PPP6R2: variants seen among roughly 807,000 people sequenced by gnomAD.
PPP6R2 encodes serine/threonine-protein phosphatase 6 regulatory subunit 2.
Under a neutral mutation model 100.2 loss-of-function variants are expected in PPP6R2, and 62 were observed. That is an observed-to-expected ratio of 0.62 (90% CI 0.50 to 0.76). The LOEUF (loss-of-function observed/expected upper bound fraction) is 0.76, where lower values mean the gene tolerates loss of function less well. Among genes scored for constraint, PPP6R2 ranks in the 30% least tolerant of loss-of-function variants. The pLI, the probability that PPP6R2 is intolerant of heterozygous loss-of-function variation, is 0.00. For missense variants in PPP6R2, 1,142 were observed against 1,276.3 expected (o/e 0.89, Z 1.60); for synonymous variants, 525 against 514.7 (o/e 1.02, Z -0.27).
chr22:50,391,027 G>A (rs1020568282), intron 2 of PPP6R2, among the ~76,000 whole-genome samples: 1 of 151,200 alleles, frequency 6.6e-6, no homozygotes, highest in African/African-American at 2.4e-5. Context: ...AGAAATTCAG[G>A]CCGGATGCAG....
chr22:50,336,279 C>A, the PPP6R2 span, among the ~76,000 whole-genome samples: 2 of 152,320 alleles, frequency 1.3e-5, no homozygotes, highest in Admixed American at 1.3e-4. Context: ...TGAGTCACCG[C>A]GTCCAGCCTG....
chr22:50,439,787 T>G lies in PPP6R2; in HGVS notation c.2215T>G (p.Trp739Gly). The G allele has an allele frequency of 1.9e-6, 3 of 1,613,848 alleles. No homozygotes were observed. Among genetic ancestry groups the G allele is most frequent in the Non-Finnish European group, 1.7e-6 (2 of 1,179,952 alleles). The change falls in exon 20 of 24, where the codon TGG becomes GGG. Residue 739 changes from tryptophan to glycine, a missense_variant. By Grantham distance (184) the Trp-to-Gly change is radical. Transcript: ENST00000612753. The part of the protein sequence containing the change: ...GVVRDVGSSV[W>G]AAGTSAPEEK... Reference sequence around the variant, plus strand: ...GGTGAGGGACGTGGGTTCCAGTGTGTGGGCAGCTGGCACCTCAGCTCCAGA... The same window carrying G: ...GGTGAGGGACGTGGGTTCCAGTGTGGGGGCAGCTGGCACCTCAGCTCCAGA...
intron 4 of PPP6R2, among the ~76,000 whole-genome samples, chr22:50,409,180 G>T (rs2059394771): frequency 6.6e-6 from 1 of 152,178 alleles, no homozygotes; most frequent in Non-Finnish European, 1.5e-5. Flanking sequence ...TTCCTCCTGT[G>T]TTTCCTGAAA....
intron 1 of PPP6R2, among the ~76,000 whole-genome samples, chr22:50,353,830 T>C (rs2045857066): frequency 6.6e-6 from 1 of 151,936 alleles, no homozygotes; most frequent in African/African-American, 2.4e-5. Flanking sequence ...TTTTTTTTTT[T>C]TTGTTAAGGG....
rs753070844 is a variant in PPP6R2, at chr22:50,443,948, C to A, written c.2662C>A (p.Pro888Thr). Residue 888 changes from proline (P) to threonine (T), a missense_variant, in exon 23 of 24, where the codon CCC (proline) becomes ACC (threonine). Physicochemically the swap from Pro to Thr is conservative, Grantham distance 38. Transcript: ENST00000612753. ...GACTGCTGCCCCAGCCGTGGCTGTG[C>A]CCCCCGAGGCTACTGTGGCCATCAC... Reference protein sequence around the residue: ...EVTAAPAVAVPPEATVAITTA... With the variant: ...EVTAAPAVAVTPEATVAITTA... 2 of 1,609,644 alleles carry A rather than the reference C, an allele frequency of 1.2e-6. No individual in the cohort carries two copies. The highest frequency in any genetic ancestry group is 2.2e-5 in the East Asian group (1 of 44,720).
chr22:50,369,585 C>G (rs2049536569), intron 1 of PPP6R2, among the ~76,000 whole-genome samples: 1 of 152,038 alleles, frequency 6.6e-6, no homozygotes, highest in South Asian at 2.1e-4. Flanking sequence ...GCTGGAGTGG[C>G]TCACTGCAAC....
At chr22:50,424,876 G>A (rs1245667176) in intron 10 of PPP6R2, among the ~76,000 whole-genome samples, 6 of 151,944 alleles carry the variant, frequency 3.9e-5, no homozygotes, top group Admixed American at 1.3e-4. Context: ...TCCTGACCTC[G>A]TGATCCACCC....
At chr22:50,365,370 A>C (rs2048549757) in intron 1 of PPP6R2, among the ~76,000 whole-genome samples, 1 of 151,200 alleles carries the variant, frequency 6.6e-6, no homozygotes, top group South Asian at 2.1e-4. Context: ...CGTGCCTGGC[A>C]TGAGATACAC....
At chr22:50,433,723 C>T (rs375783104) in intron 12 of PPP6R2, among the ~76,000 whole-genome samples, 8 of 11,682 alleles carry the variant, frequency 6.8e-4, no homozygotes, top group African/African-American at 1.2e-3. Flanking sequence ...GGAGGAGGGC[C>T]GGGGGCGCGG....
chr22:50,363,342 G>T, intron 1 of PPP6R2, among the ~76,000 whole-genome samples: 1 of 152,242 alleles, frequency 6.6e-6, no homozygotes, highest in East Asian at 1.9e-4. Context: ...AGAATCAGCA[G>T]TCGGGTGACT....
At chr22:50,391,230 G>A (rs2055451612) in intron 2 of PPP6R2, among the ~76,000 whole-genome samples, 1 of 150,756 alleles carries the variant, frequency 6.6e-6, no homozygotes, top group South Asian at 2.1e-4. Context: ...TCAGGAGTTC[G>A]AGACCAGCCT....
At chr22:50,343,922 C>T (rs1377831458) in intron 1 of PPP6R2, among the ~76,000 whole-genome samples, 1 of 22,518 alleles carries the variant, frequency 4.4e-5, no homozygotes. Context: ...GTGCCCCCTC[C>T]AGTCAGTTTC....
intron 4 of PPP6R2, 31 bp from the exon 5 acceptor site, chr22:50,414,521 C>A: frequency 6.2e-7 from 1 of 1,609,894 alleles, no homozygotes; most frequent in Non-Finnish European, 8.5e-7. Context: ...AGGGTCGGCC[C>A]CGCCTGCCTC....
Position 50,423,511 on chromosome 22 carries a change from A to T in PPP6R2, c.1022A>T (p.Asn341Ile). The T allele has an allele frequency of 6.2e-7, 1 of 1,614,200 alleles. No individual in the cohort carries two copies. Among genetic ancestry groups the T allele is most frequent in the Non-Finnish European group, 8.5e-7 (1 of 1,180,034 alleles). The change falls in exon 10 of 24, where the codon AAT becomes ATT. Residue 341 changes from asparagine to isoleucine, a missense_variant. By Grantham distance (149) the Asn-to-Ile change is moderately radical. Around this residue, in one of 2 missense-constraint regions of PPP6R2, gnomAD observed 592 missense variants for 758.9 expected, o/e 0.78. Transcript: ENST00000612753. The surrounding 1 kb of genome is among the most constrained non-coding windows in gnomAD (Gnocchi z 4.8). ...GGTGTGCTGGAGGAGCCCCTGGGGA[A>T]TGCCCGTCTGCATGGCGCCCGCCTC... ...TIGVLEEPLG[N>I]ARLHGARLMA...
intron 3 of PPP6R2, among the ~76,000 whole-genome samples, chr22:50,396,443 C>T (rs1313351624): frequency 6.9e-6 from 1 of 145,460 alleles, no homozygotes; most frequent in Admixed American, 7.1e-5. Context: ...TTCAGTGAGC[C>T]AAGATCGCTC....
chr22:50,437,200 A>G (rs908455919), intron 15 of PPP6R2, 132 bp downstream of exon 15: 66 of 841,116 alleles, frequency 7.8e-5, no homozygotes, highest in Admixed American at 2.5e-4. Context: ...CCGAGCACGT[A>G]TGGGGCGGGG....
intron 2 of PPP6R2, among the ~76,000 whole-genome samples, chr22:50,381,652 G>A (rs188532206): frequency 1.3e-5 from 2 of 152,168 alleles, no homozygotes; most frequent in African/African-American, 2.4e-5. Context: ...CAGGCGTGGT[G>A]GCTCACGCCT....
At chr22:50,419,929 G>T (rs930569440) in intron 8 of PPP6R2, among the ~76,000 whole-genome samples, 1 of 152,244 alleles carries the variant, frequency 6.6e-6, no homozygotes, top group Admixed American at 6.5e-5. Flanking sequence ...CCCACGGGTC[G>T]GCACCGCCTG....
chr22:50,408,356 C>T (rs532067745), intron 4 of PPP6R2, among the ~76,000 whole-genome samples: 7 of 152,182 alleles, frequency 4.6e-5, no homozygotes, highest in Non-Finnish European at 1.0e-4. Context: ...CCACGAAGGC[C>T]GCGGTTCCCC....
Sources: gnomAD v4.1 joint callset for allele counts (sites outside exome capture counted in the v4.1 genomes callset) on GRCh38, gnomAD v4.1.1 for gene constraint, gnomAD v4.1.1 regional missense constraint, Gnocchi (gnomAD v3.1) non-coding constraint, MANE v1.5 for transcripts, NCBI Gene and HGNC (gene_info 2026-07-23, HGNC 2026-07-21) for gene names.